The following PLEKHA5 variants were observed in gnomAD, a reference collection of about 807,000 sequenced individuals.
PLEKHA5 encodes the protein pleckstrin homology domain containing A5.
In PLEKHA5, 55 loss-of-function variants were observed where a neutral mutation model predicts 181.9. The ratio of observed to expected loss-of-function variants is 0.30; its 90% CI spans 0.24 to 0.38. The LOEUF is 0.38. Ranked by LOEUF, PLEKHA5 falls within the 10% of genes least tolerant of loss-of-function variation. The probability of loss-of-function intolerance (pLI) is 1.00; values close to 1 mark genes in which losing one functional copy is unlikely to be tolerated. For missense variants in PLEKHA5, 1,432 were observed against 1,549.5 expected (o/e 0.92, Z 1.27); for synonymous variants, 535 against 529.4 (o/e 1.01, Z -0.15).
chr12:19,230,212 C>CAG (rs749662827), intron 3 of PLEKHA5, among the ~76,000 whole-genome samples: 2 of 151,964 alleles, frequency 1.3e-5, no homozygotes, highest in South Asian at 2.1e-4. Flanking sequence ...AAGCTAGACA[C>CAG]AGTGCTGATT....
intron 15 of PLEKHA5, among the ~76,000 whole-genome samples, chr12:19,309,991 TAAAAAG>T (rs1447389635): frequency 1.3e-5 from 2 of 152,140 alleles, no homozygotes; most frequent in African/African-American, 4.8e-5. Context: ...CCCTTTAACT[TAAAAAG>T]AAAAGAAAAT....
chr12:19,374,050 C>T (rs2095652870), intron 31 of PLEKHA5, among the ~76,000 whole-genome samples: 1 of 152,182 alleles, frequency 6.6e-6, no homozygotes, highest in African/African-American at 2.4e-5. Context: ...GGCATGAAAA[C>T]TTGTATTATT....
At chr12:19,226,788 G>A (rs955567739) in intron 3 of PLEKHA5, among the ~76,000 whole-genome samples, 3 of 152,138 alleles carry the variant, frequency 2.0e-5, no homozygotes, top group Admixed American at 2.0e-4. Flanking sequence ...TTTAAGAACT[G>A]AATGTGCTCT....
chr12:19,349,149 C>A (rs2094472003), intron 25 of PLEKHA5, among the ~76,000 whole-genome samples: 2 of 148,594 alleles, frequency 1.3e-5, no homozygotes, highest in South Asian at 4.3e-4. Flanking sequence ...TGTGAGGTCT[C>A]ACTCTGTCAC....
chr12:19,284,125 G>A (rs12317157), intron 12 of PLEKHA5, among the ~76,000 whole-genome samples: 9,178 of 152,128 alleles, frequency 0.06, 469 homozygotes, highest in East Asian at 0.19. Context: ...CTGGAATGCA[G>A]AGGCATAATC....
chr12:19,339,459 A>T (rs528026332), intron 21 of PLEKHA5, among the ~76,000 whole-genome samples: 2 of 152,362 alleles, frequency 1.3e-5, no homozygotes, highest in African/African-American at 4.8e-5. Context: ...ATTTATTATG[A>T]AAATTTAGTA....
intron 15 of PLEKHA5, among the ~76,000 whole-genome samples, chr12:19,298,174 A>G (rs969986322): frequency 6.6e-6 from 1 of 152,056 alleles, no homozygotes; most frequent in Non-Finnish European, 1.5e-5. Context: ...ACTCCAGCCT[A>G]GGCAACAGAG....
intron 3 of PLEKHA5, among the ~76,000 whole-genome samples, chr12:19,235,843 G>A (rs902662912): frequency 6.6e-6 from 1 of 152,176 alleles, no homozygotes; most frequent in Non-Finnish European, 1.5e-5. Context: ...ATAATTGTCA[G>A]TATTCAATAT....
rs537787274 is a variant in PLEKHA5 at position 19,269,518 on chromosome 12, T to A, written c.712-252T>A. 5.1e-3 allele frequency among the ~76,000 whole-genome samples: 769 copies of A among 152,006 alleles called. 4 individuals carry two copies. The highest frequency in any genetic ancestry group is 0.018 in the African/African-American group (737 of 41,522). ...TCCTTTCCATGCACTCTTTTTTTTT[T>A]TTATTTTTAATTTTAGAGTGTGCAC... On this transcript the variant is annotated intron_variant, in intron 8 of 31. Coordinates refer to ENST00000429027, the MANE Select transcript of PLEKHA5 (RefSeq NM_001256470.2).
In PLEKHA5 at chr12:19,214,313, T is replaced by G. The variant is rs555854811; in HGVS notation, c.228-39627T>G. ...CGGACCAAGAAGCACCTTTTGACTT[T>G]GTCAGTTAAAGAGACATCAGTGACC... On this transcript the variant is annotated intron_variant, in intron 3 of 31. Transcript: ENST00000429027. Among the ~76,000 whole-genome samples, 6 of 152,332 alleles carry G rather than the reference T, an allele frequency of 3.9e-5. No individual in the cohort carries two copies. In the East Asian group the frequency reaches 1.2e-3, roughly 29 times the overall value.
In PLEKHA5 at chr12:19,284,452, C is replaced by G. The variant is rs538270731; in HGVS notation, c.1779+707C>G. Among the ~76,000 whole-genome samples, 4 of 152,248 alleles carry G rather than the reference C, an allele frequency of 2.6e-5. No homozygotes were observed. The South Asian group carries it at 6.2e-4, about 24-fold the overall frequency. On this transcript the variant is annotated intron_variant, in intron 12 of 31. Coordinates refer to ENST00000429027, the MANE Select transcript of PLEKHA5 (RefSeq NM_001256470.2). ...TTCTGGCATACCTGAAATTTTGTAT[C>G]AAGCTCATCCTGTTGTTCATGAGGA...
At chr12:19,330,078 A>G (rs1296280223) in intron 20 of PLEKHA5, among the ~76,000 whole-genome samples, 1 of 152,214 alleles carries the variant, frequency 6.6e-6, no homozygotes, top group Non-Finnish European at 1.5e-5. Context: ...AAAATCCACA[A>G]AAAAGCCAAC....
At chr12:19,209,067 G>A (rs969472338) in intron 3 of PLEKHA5, among the ~76,000 whole-genome samples, 2 of 152,110 alleles carry the variant, frequency 1.3e-5, no homozygotes. Context: ...ACCAAAATAA[G>A]CCTGTATGAA....
At chr12:19,202,151 A>T (rs2054342948) in intron 3 of PLEKHA5, 1 of 276,814 alleles carries the variant, frequency 3.6e-6, no homozygotes, top group Non-Finnish European at 5.5e-6. Context: ...CTTTTAGGTC[A>T]CATTTAGACC....
At chr12:19,374,667 TAAG>T (rs2153351990) in intron 31 of PLEKHA5, among the ~76,000 whole-genome samples, 1 of 146,732 alleles carries the variant, frequency 6.8e-6, no homozygotes, top group South Asian at 2.2e-4. Flanking sequence ...TCAAAAATAA[TAAG>T]AAGGCCAGGT....
chr12:19,357,793 A>G (rs2153229181), intron 26 of PLEKHA5, among the ~76,000 whole-genome samples: 1 of 151,374 alleles, frequency 6.6e-6, no homozygotes, highest in African/African-American at 2.4e-5. Flanking sequence ...ATACCACCAC[A>G]CCTGCCTGGC....
chr12:19,299,546 GT>G (rs894084000), intron 15 of PLEKHA5, among the ~76,000 whole-genome samples: 6 of 152,152 alleles, frequency 3.9e-5, no homozygotes, highest in Non-Finnish European at 2.9e-5. Flanking sequence ...CACGTATCCC[GT>G]TTTATTGTAT....
intron 3 of PLEKHA5, among the ~76,000 whole-genome samples, chr12:19,247,015 T>C (rs2063928060): frequency 6.6e-6 from 1 of 152,220 alleles, no homozygotes; most frequent in Non-Finnish European, 1.5e-5. Flanking sequence ...GTGCACTTTA[T>C]GCGTTTATTT....
Position 19,369,758 on chromosome 12 carries a change from A to G in PLEKHA5, c.3820A>G (p.Thr1274Ala). 6.2e-7 allele frequency: 1 copy of G among 1,610,094 alleles called. No individual in the cohort carries two copies. Among genetic ancestry groups the G allele is most frequent in the East Asian group, 2.2e-5 (1 of 44,852 alleles). ...AGTTCCATCCACTCAGCCGCAGCTC[A>G]CAGAAGGATCACATTTCATGTGTGT... ...SPVPSTQPQL[T>A]EGSHFMCV is the part of the protein sequence containing the mutation. Residue 1274 changes from threonine to alanine, a missense_variant, in exon 31 of 32, where the codon ACA (threonine) becomes GCA (alanine). Coordinates refer to ENST00000429027, the MANE Select transcript of PLEKHA5 (RefSeq NM_001256470.2).
Sources: gnomAD v4.1 joint callset for allele counts (sites outside exome capture counted in the v4.1 genomes callset) on GRCh38, gnomAD v4.1.1 for gene constraint, MANE v1.5 for transcripts, NCBI Gene and HGNC (gene_info 2026-07-23, HGNC 2026-07-21) for gene names.